Variants in TG observed in about 807,000 individuals in gnomAD.
TG encodes thyroglobulin, also known as thyroid hormones.
Under a neutral mutation model 324.7 loss-of-function variants are expected in TG, and 270 were observed. That is an observed-to-expected ratio of 0.83 (90% CI 0.75 to 0.92). The LOEUF (loss-of-function observed/expected upper bound fraction) is 0.92. Among genes scored for constraint, TG ranks in the 40% least tolerant of loss-of-function variants. The pLI, the probability that TG is intolerant of heterozygous loss-of-function variation, is 0.00. For missense variants in TG, 3,591 were observed against 3,456.4 expected, an observed-to-expected ratio of 1.04 and a Z score of -0.98; for synonymous variants, 1,401 against 1,327.0, an observed-to-expected ratio of 1.06 and a Z score of -1.21.
chr8:133,046,871 G>C (rs565752751), intron 41 of TG, among the ~76,000 whole-genome samples: 301 of 152,268 alleles, frequency 2.0e-3, no homozygotes, highest in African/African-American at 7.0e-3. Flanking sequence ...TTTGGTGAAG[G>C]GCTCTAGCAC....
At chr8:132,946,653 C>G (rs998806973) in intron 26 of TG, among the ~76,000 whole-genome samples, 2 of 152,174 alleles carry the variant, frequency 1.3e-5, no homozygotes, top group Non-Finnish European at 2.9e-5. Context: ...ATCTCCACCC[C>G]TCTAAGGCTT....
intron 3 of TG, among the ~76,000 whole-genome samples, chr8:132,870,684 T>C (rs1246488413): frequency 6.6e-6 from 1 of 152,052 alleles, no homozygotes; most frequent in Non-Finnish European, 1.5e-5. Flanking sequence ...GCCACTAGCT[T>C]CTGCTGCTGC....
intron 34 of TG, among the ~76,000 whole-genome samples, chr8:132,980,888 G>A (rs113867073): frequency 4.6e-5 from 7 of 152,092 alleles, no homozygotes; most frequent in Non-Finnish European, 7.4e-5. Flanking sequence ...CACTGCATGC[G>A]GTAAGAGTAG....
chr8:132,938,378 G>T (rs1229617494), intron 25 of TG, among the ~76,000 whole-genome samples: 1 of 152,128 alleles, frequency 6.6e-6, no homozygotes, highest in Non-Finnish European at 1.5e-5. Context: ...GGATGTCAGT[G>T]CCCAAAGGTT....
In TG at chr8:132,867,067, G is replaced by C. The variant is rs1024568791; in HGVS notation, c.67G>C (p.Glu23Gln). Reference protein sequence around the residue: ...SICWVSANIFEYQVDAQPLRP... With the variant: ...SICWVSANIFQYQVDAQPLRP... ...CTGCTGGGTGTCGGCCAATATCTTC[G>C]GTAAGTTCTGAGGCCATGGAGCCAG... The change falls in exon 1 of 48, where the codon GAG (glutamate) becomes CAG (glutamine). Residue 23 changes from glutamate to glutamine, a missense_variant and splice_region_variant. Physicochemically the swap from Glu to Gln is conservative, Grantham distance 29. Coordinates refer to ENST00000220616, the MANE Select transcript of TG (RefSeq NM_003235.5). 2 of 1,596,876 alleles carry C rather than the reference G, an allele frequency of 1.3e-6. No homozygotes were observed. The highest frequency in any genetic ancestry group is 8.5e-7 in the Non-Finnish European group (1 of 1,170,312).
chr8:133,065,976 C>CA (rs1458205371), intron 41 of TG, among the ~76,000 whole-genome samples: 1 of 152,000 alleles, frequency 6.6e-6, no homozygotes, highest in Non-Finnish European at 1.5e-5. Context: ...GCAGAAGAAA[C>CA]AAGAGAGCGA....
intron 29 of TG, 112 bp from the exon 30 acceptor site, chr8:132,966,448 C>G: frequency 7.8e-7 from 1 of 1,274,714 alleles, no homozygotes. Context: ...CTGACACTTT[C>G]TCTCTCTGTC....
chr8:132,994,748 C>T, intron 35 of TG: 1 of 1,288,446 alleles, frequency 7.8e-7, no homozygotes, highest in East Asian at 5.6e-5. Flanking sequence ...AGGGACCCAG[C>T]TGAAGAGGAT....
At chr8:133,098,083 T>G (rs1848701955) in intron 43 of TG, among the ~76,000 whole-genome samples, 1 of 152,134 alleles carries the variant, frequency 6.6e-6, no homozygotes, top group Admixed American at 6.5e-5. Flanking sequence ...TGCCAAGCAC[T>G]CACATACAGC....
chr8:132,967,732 A>C, intron 30 of TG, 62 bp from the exon 31 acceptor site: 639 of 1,552,346 alleles, frequency 4.1e-4, no homozygotes, highest in Non-Finnish European at 5.1e-4. Flanking sequence ...AGAATCCTGT[A>C]GAGATTATTC....
intron 32 of TG, among the ~76,000 whole-genome samples, chr8:132,971,199 G>A (rs1482447006): frequency 6.6e-6 from 1 of 152,184 alleles, no homozygotes; most frequent in African/African-American, 2.4e-5. Context: ...GTTATTGAGT[G>A]GATAAGAAGG....
intron 32 of TG, among the ~76,000 whole-genome samples, 159 bp downstream of exon 32, chr8:132,969,728 T>C (rs935011219): frequency 1.3e-5 from 2 of 151,900 alleles, no homozygotes; most frequent in Non-Finnish European, 2.9e-5. Flanking sequence ...CTGACCAACA[T>C]GGTGAAGCCC....
intron 35 of TG, among the ~76,000 whole-genome samples, chr8:133,004,379 T>C (rs1564064267): frequency 6.6e-6 from 1 of 152,246 alleles, no homozygotes; most frequent in East Asian, 1.9e-4. Flanking sequence ...AAAAGCACAG[T>C]TCCTGTGTCC....
At position 133,019,617 on chromosome 8, in the gene TG, G is replaced by A; in HGVS notation, c.6798G>A (p.Gln2266=). 1 of 1,613,804 alleles carries A rather than the reference G, an allele frequency of 6.2e-7. No individual in the cohort carries two copies. Among genetic ancestry groups the A allele is most frequent in the Non-Finnish European group, 8.5e-7 (1 of 1,179,808 alleles). Reference sequence around the variant, plus strand: ...GTATCTGCAGGGCCAGCTGCTGGCAGCCAGGCACCAGAACATCCACGTCTC... The same window carrying A: ...GTATCTGCAGGGCCAGCTGCTGGCAACCAGGCACCAGAACATCCACGTCTC... The part of the protein sequence containing the change: ...DASKPRASCW[Q]PGTRTSTSPG... Residue 2266 remains glutamine, a synonymous_variant, in exon 39 of 48, where the codon CAG becomes CAA. Transcript: ENST00000220616.
At chr8:133,067,863 A>G (rs2958702) in intron 41 of TG, among the ~76,000 whole-genome samples, 5,227 of 76,240 alleles carry the variant, frequency 0.069, 351 homozygotes, top group African/African-American at 0.26. Context: ...AGAAAGAAAG[A>G]AAGAAAGGAA....
chr8:133,088,267 TCC>T (rs1203757491), intron 41 of TG, among the ~76,000 whole-genome samples: 2 of 152,128 alleles, frequency 1.3e-5, no homozygotes. Context: ...CTCCTCCTCC[TCC>T]TCCTCCTCCT....
intron 43 of TG, among the ~76,000 whole-genome samples, chr8:133,104,336 T>C (rs1849606528): frequency 6.6e-6 from 1 of 152,232 alleles, no homozygotes. Context: ...TCCACTGTTT[T>C]AAAAAGGAAC....
chr8:133,064,552 T>C (rs1842807785), intron 41 of TG, among the ~76,000 whole-genome samples: 1 of 152,236 alleles, frequency 6.6e-6, no homozygotes, highest in African/African-American at 2.4e-5. Context: ...ACACTTTTTG[T>C]TCAGGACCAT....
intron 45 of TG, among the ~76,000 whole-genome samples, chr8:133,127,152 C>A (rs376126897): frequency 1.3e-5 from 2 of 152,182 alleles, no homozygotes; most frequent in East Asian, 1.9e-4. Context: ...TCCTCACACC[C>A]TCACCTCATC....
Sources: allele counts gnomAD v4.1 joint callset (sites outside exome capture counted in the v4.1 genomes callset), GRCh38; gene constraint gnomAD v4.1.1; transcripts MANE v1.5; gene names NCBI Gene and HGNC (gene_info 2026-07-23, HGNC 2026-07-21).